The following LINGO2 variants were observed in gnomAD, a reference collection of about 807,000 sequenced individuals.
The protein encoded by LINGO2 is leucine rich repeat and Ig domain containing 2.
LINGO2 carries 14 observed loss-of-function variants against 30.6 expected under a neutral mutation model. That is an observed-to-expected ratio of 0.46 (90% CI 0.30 to 0.72). The LOEUF is 0.72. Ranked by LOEUF, LINGO2 falls within the 30% of genes least tolerant of loss-of-function variation. The pLI, the probability that LINGO2 is intolerant of heterozygous loss-of-function variation, is 0.07. For synonymous variants in LINGO2, 317 were observed against 288.5 expected, an observed-to-expected ratio of 1.10 and a Z score of -1.00; for missense variants, 729 against 751.7, an observed-to-expected ratio of 0.97 and a Z score of 0.35.
chr9:28,101,211 G>T (rs1826406278), intron 4 of LINGO2, among the ~76,000 whole-genome samples: 1 of 151,894 alleles, frequency 6.6e-6, no homozygotes, highest in Admixed American at 6.6e-5. Flanking sequence ...CTCCACTGCT[G>T]GCCTATTTCT....
chr9:28,258,379 TA>T (rs1822450993), intron 4 of LINGO2, among the ~76,000 whole-genome samples: 1 of 151,900 alleles, frequency 6.6e-6, no homozygotes, highest in Admixed American at 6.6e-5. Context: ...GGAATAAATG[TA>T]GAGCTGCTGA....
chr9:28,697,551 T>G, the LINGO2 span, among the ~76,000 whole-genome samples: 2 of 151,960 alleles, frequency 1.3e-5, no homozygotes, highest in Non-Finnish European at 2.9e-5. Context: ...TGATTTTGTA[T>G]CTAAAAGTCT....
the LINGO2 span, among the ~76,000 whole-genome samples, chr9:28,695,757 A>T: frequency 6.6e-6 from 1 of 151,838 alleles, no homozygotes; most frequent in Admixed American, 6.6e-5. Context: ...GTTAAAAAAA[A>T]AAAAAAGAAG....
At chr9:27,948,750 C>T in exon 6 of LINGO2, 2 of 1,339,112 alleles carry the variant, frequency 1.5e-6, no homozygotes, top group Non-Finnish European at 2.1e-6. Flanking sequence ...GATACAGGGG[C>T]AGCTGCACAT....
At chr9:28,318,652 T>C (rs1824929375) in intron 3 of LINGO2, among the ~76,000 whole-genome samples, 1 of 152,212 alleles carries the variant, frequency 6.6e-6, no homozygotes, top group South Asian at 2.1e-4. Context: ...ATTGTTGTAT[T>C]GTCTATTGAC....
chr9:28,986,189 G>A, the LINGO2 span, among the ~76,000 whole-genome samples: 1 of 151,818 alleles, frequency 6.6e-6, no homozygotes, highest in Non-Finnish European at 1.5e-5. Context: ...TCATTTCTGA[G>A]CTCTCTATTC....
At chr9:29,024,586 A>G in the LINGO2 span, among the ~76,000 whole-genome samples, 1 of 152,140 alleles carries the variant, frequency 6.6e-6, no homozygotes, top group African/African-American at 2.4e-5. Context: ...CTAAACAACC[A>G]GATTACCCAT....
chr9:28,140,824 T>C (rs970789040), intron 4 of LINGO2, among the ~76,000 whole-genome samples: 2 of 152,162 alleles, frequency 1.3e-5, no homozygotes, highest in African/African-American at 4.8e-5. Context: ...TATGTATCTC[T>C]AATGTCCTGT....
At chr9:28,809,357 T>C in the LINGO2 span, among the ~76,000 whole-genome samples, 1 of 152,218 alleles carries the variant, frequency 6.6e-6, no homozygotes, top group Non-Finnish European at 1.5e-5. Context: ...AACACCATCT[T>C]TTTCCAGACT....
At chr9:28,284,306 T>A (rs981186857) in intron 4 of LINGO2, among the ~76,000 whole-genome samples, 5 of 152,176 alleles carry the variant, frequency 3.3e-5, no homozygotes, top group Non-Finnish European at 7.3e-5. Context: ...ATTTACACTC[T>A]CTTTCTTTAC....
intron 5 of LINGO2, among the ~76,000 whole-genome samples, chr9:27,979,954 G>T (rs188471662): frequency 2.6e-5 from 4 of 151,998 alleles, no homozygotes; most frequent in East Asian, 1.9e-4. Context: ...ATCTCATGTG[G>T]GTAGTCACCA....
At chr9:28,490,667 G>T (rs1826359754) in intron 1 of LINGO2, among the ~76,000 whole-genome samples, 2 of 152,070 alleles carry the variant, frequency 1.3e-5, no homozygotes, top group South Asian at 4.1e-4. Context: ...CTACCTAATG[G>T]CCAATATAAA....
At chr9:28,781,232 G>A in the LINGO2 span, among the ~76,000 whole-genome samples, 1 of 152,052 alleles carries the variant, frequency 6.6e-6, no homozygotes, top group Non-Finnish European at 1.5e-5. Context: ...AGCTGGAAAG[G>A]CGTGAACTGA....
the LINGO2 span, among the ~76,000 whole-genome samples, chr9:28,695,898 C>T: frequency 1.3e-5 from 2 of 151,874 alleles, no homozygotes; most frequent in South Asian, 4.1e-4. Context: ...TGGTTTGATG[C>T]ATGTACTACT....
intron 4 of LINGO2, among the ~76,000 whole-genome samples, chr9:28,017,196 T>C (rs1237967194): frequency 6.6e-6 from 1 of 152,128 alleles, no homozygotes; most frequent in South Asian, 2.1e-4. Flanking sequence ...CACTTCAAAA[T>C]AATAAGAGCC....
At chr9:28,553,937 C>A (rs541067123) in intron 1 of LINGO2, among the ~76,000 whole-genome samples, 11 of 151,950 alleles carry the variant, frequency 7.2e-5, no homozygotes, top group African/African-American at 2.7e-4. Context: ...ACTTTACAGA[C>A]AAGCAAATGC....
the LINGO2 span, among the ~76,000 whole-genome samples, chr9:29,021,415 T>G: frequency 6.6e-6 from 1 of 152,040 alleles, no homozygotes; most frequent in East Asian, 1.9e-4. Flanking sequence ...TCCCAGCACT[T>G]TGGGAGGCGA....
chr9:29,103,570 C>A, the LINGO2 span, among the ~76,000 whole-genome samples: 1 of 151,480 alleles, frequency 6.6e-6, no homozygotes, highest in Non-Finnish European at 1.5e-5. Flanking sequence ...AAATATATTT[C>A]TTTATTTTAG....
chr9:28,779,926 T>C, the LINGO2 span, among the ~76,000 whole-genome samples: 3 of 151,896 alleles, frequency 2.0e-5, no homozygotes, highest in African/African-American at 4.8e-5. Context: ...GATGCACTTG[T>C]ATATATAGAA....
Sources: gnomAD v4.1 joint callset for allele counts (sites outside exome capture counted in the v4.1 genomes callset) on GRCh38, gnomAD v4.1.1 for gene constraint, MANE v1.5 for transcripts, NCBI Gene and HGNC (gene_info 2026-07-23, HGNC 2026-07-21) for gene names.